The following RBFOX1 variants were observed in gnomAD, a reference collection of about 807,000 sequenced individuals.
The protein encoded by RBFOX1 is RNA binding protein fox-1 homolog 1.
RBFOX1 carries 8 observed loss-of-function variants against 57.7 expected under a neutral mutation model. The ratio of observed to expected loss-of-function variants is 0.14; its 90% confidence interval spans 0.08 to 0.25. The LOEUF (loss-of-function observed/expected upper bound fraction) is 0.25. RBFOX1 is among the 10% of genes least tolerant of loss of function. The pLI, the probability that RBFOX1 is intolerant of heterozygous loss-of-function variation, is 1.00. For missense variants in RBFOX1, 611 were observed against 548.5 expected, an observed-to-expected ratio of 1.11 and a Z score of -1.14; for synonymous variants, 326 against 222.4, an observed-to-expected ratio of 1.47 and a Z score of -4.15.
At chr16:7,240,731 T>TTTTG (rs376268774) in intron 4 of RBFOX1, among the ~76,000 whole-genome samples, 3 of 151,994 alleles carry the variant, frequency 2.0e-5, no homozygotes, top group East Asian at 3.9e-4. Context: ...ATTTTTGTAG[T>TTTTG]TTTGTTTGTT....
chr16:6,927,978 A>G (rs1034355050), intron 3 of RBFOX1, among the ~76,000 whole-genome samples: 1 of 152,164 alleles, frequency 6.6e-6, no homozygotes, highest in African/African-American at 2.4e-5. Flanking sequence ...AAAGTTTCCC[A>G]TTGAGCTGCT....
At chr16:6,988,441 C>T (rs1230518960) in intron 3 of RBFOX1, among the ~76,000 whole-genome samples, 1 of 152,166 alleles carries the variant, frequency 6.6e-6, no homozygotes, top group Admixed American at 6.6e-5. Context: ...TTTTAAATAG[C>T]TCATTGAGAG....
chr16:5,996,477 C>G (rs944881730), intron 4 of RBFOX1, among the ~76,000 whole-genome samples: 3 of 150,722 alleles, frequency 2.0e-5, no homozygotes, highest in South Asian at 2.1e-4. Flanking sequence ...TCCCAATAAG[C>G]AGTGAGAGGT....
chr16:7,692,824 G>A (rs1048921404), intron 14 of RBFOX1, among the ~76,000 whole-genome samples: 3 of 151,862 alleles, frequency 2.0e-5, no homozygotes, highest in Admixed American at 6.6e-5. Flanking sequence ...GGTTTGATGA[G>A]GAAATTATTA....
intron 3 of RBFOX1, among the ~76,000 whole-genome samples, chr16:7,000,602 T>TTTC (rs2092702430): frequency 7.6e-6 from 1 of 131,092 alleles, no homozygotes; most frequent in Non-Finnish European, 1.6e-5. Context: ...CTTTCTTTTT[T>TTTC]TTTTTTTTTT....
intron 3 of RBFOX1, among the ~76,000 whole-genome samples, chr16:5,614,454 C>G (rs1430760858): frequency 2.0e-5 from 3 of 152,136 alleles, no homozygotes; most frequent in East Asian, 3.9e-4. Context: ...CCAATGTGTT[C>G]TAATTACTCA....
At chr16:6,741,301 C>G (rs1412246321) in intron 3 of RBFOX1, among the ~76,000 whole-genome samples, 1 of 152,014 alleles carries the variant, frequency 6.6e-6, no homozygotes, top group Non-Finnish European at 1.5e-5. Flanking sequence ...GGAAAAATAT[C>G]TTTCGAACTT....
chr16:5,295,096 C>T (rs1287518143), intron 1 of RBFOX1, among the ~76,000 whole-genome samples: 1 of 149,124 alleles, frequency 6.7e-6, no homozygotes, highest in African/African-American at 2.4e-5. Context: ...AGAAAGCTCA[C>T]GATGTCCTGG....
intron 3 of RBFOX1, among the ~76,000 whole-genome samples, chr16:6,838,536 C>T (rs1273015305): frequency 2.6e-5 from 4 of 152,214 alleles, no homozygotes; most frequent in Admixed American, 1.3e-4. Flanking sequence ...AAAACTGCTT[C>T]TGAGCTGCTA....
rs971471691 is a variant in RBFOX1, at chr16:5,394,277, C to T, written c.220-72939C>T. ...GAACTCGTGATCTGCCCGCCTCAGC[C>T]TCTCAAAGTGCTGGGATTACAGGCA... On this transcript the variant is annotated intron_variant, in intron 1 of 2. Transcript: ENST00000585867. Among the ~76,000 whole-genome samples, 8 of 152,170 alleles carry T rather than the reference C, an allele frequency of 5.3e-5. 1 individual carries two copies. The highest frequency in any genetic ancestry group is 7.3e-5 in the Non-Finnish European group (5 of 68,032).
chr16:6,398,911 C>A (rs1308780241), intron 2 of RBFOX1, among the ~76,000 whole-genome samples: 1 of 152,234 alleles, frequency 6.6e-6, no homozygotes, highest in Non-Finnish European at 1.5e-5. Context: ...CCCCACATTT[C>A]CCTTCTGCAC....
At chr16:7,482,089 C>G (rs772526510) in intron 4 of RBFOX1, among the ~76,000 whole-genome samples, 1 of 152,222 alleles carries the variant, frequency 6.6e-6, no homozygotes, top group Non-Finnish European at 1.5e-5. Flanking sequence ...CTAGCAAGGG[C>G]TAGTGATGGT....
rs11860008 is a variant in RBFOX1 at position 5,304,293 on chromosome 16, A to G, written c.219+64188A>G. ...TTACACATTGGTAGCATCCTCTGCT[A>G]TGCCTTTTAGGGACATTAAATCAGG... On this transcript the variant is annotated intron_variant, in intron 1 of 2. Transcript: ENST00000585867. Among the ~76,000 whole-genome samples the G allele has an allele frequency of 6.2e-3, 948 of 152,360 alleles. 13 individuals are homozygous for G. The highest frequency in any genetic ancestry group is 0.021 in the African/African-American group (890 of 41,590).
At chr16:6,982,304 T>C in intron 3 of RBFOX1, among the ~76,000 whole-genome samples, 1 of 152,206 alleles carries the variant, frequency 6.6e-6, no homozygotes, top group South Asian at 2.1e-4. Context: ...TTATTCCATT[T>C]TGATCTTTAC....
At chr16:7,238,930 A>G (rs2093916293) in intron 4 of RBFOX1, among the ~76,000 whole-genome samples, 1 of 152,162 alleles carries the variant, frequency 6.6e-6, no homozygotes, top group Non-Finnish European at 1.5e-5. Flanking sequence ...GCTGAGAATG[A>G]GAGCCTCCAG....
At chr16:6,240,083 C>G (rs180803749) in intron 1 of RBFOX1, among the ~76,000 whole-genome samples, 2 of 152,080 alleles carry the variant, frequency 1.3e-5, no homozygotes, top group Non-Finnish European at 2.9e-5. Flanking sequence ...GCATCTCGCT[C>G]TACTCCTTTT....
chr16:6,612,516 G>C (rs762142210), intron 2 of RBFOX1, among the ~76,000 whole-genome samples: 8 of 152,172 alleles, frequency 5.3e-5, no homozygotes, highest in Non-Finnish European at 7.4e-5. Flanking sequence ...TGGATGGTGA[G>C]CTTGCCATGA....
At chr16:7,391,935 A>C (rs1419310905) in intron 4 of RBFOX1, among the ~76,000 whole-genome samples, 1 of 152,122 alleles carries the variant, frequency 6.6e-6, no homozygotes, top group African/African-American at 2.4e-5. Context: ...TACCTTATGC[A>C]CTCCATCGCA....
intron 1 of RBFOX1, among the ~76,000 whole-genome samples, chr16:6,049,482 C>G (rs1281776555): frequency 6.6e-6 from 1 of 152,172 alleles, no homozygotes; most frequent in Non-Finnish European, 1.5e-5. Flanking sequence ...CCTCTCTAGT[C>G]TCATGCTACT....
Sources: allele counts gnomAD v4.1 joint callset (sites outside exome capture counted in the v4.1 genomes callset), GRCh38; gene constraint gnomAD v4.1.1; transcripts MANE v1.5; gene names NCBI Gene and HGNC (gene_info 2026-07-23, HGNC 2026-07-21).